FAM133A: variants seen among roughly 807,000 people sequenced by gnomAD.
FAM133A encodes the protein family with sequence similarity 133 member A.
For synonymous variants in FAM133A, 65 were observed against 58.6 expected (o/e 1.11, Z -0.50); for missense variants, 159 against 164.4 (o/e 0.97, Z 0.18).
chrX:93,694,906 C>T (rs1035090318), intron 2 of FAM133A, among the ~76,000 whole-genome samples: 6 of 111,716 alleles, frequency 5.4e-5, no homozygotes, highest in Admixed American at 1.9e-4. Context: ...GGTTATCAAA[C>T]TAAACATTCC....
chrX:93,704,441 C>T (rs1926912900), intron 3 of FAM133A, among the ~76,000 whole-genome samples: 1 of 111,357 alleles, frequency 9.0e-6, no homozygotes. Flanking sequence ...ATAGGAGCCT[C>T]ATCCAAATGT....
intron 3 of FAM133A, among the ~76,000 whole-genome samples, chrX:93,708,117 T>C (rs938554601): frequency 1.8e-5 from 2 of 112,253 alleles, no homozygotes; most frequent in African/African-American, 6.5e-5. Flanking sequence ...ACTGTTTGTG[T>C]CCCATAAAAT....
At chrX:93,702,767 A>G (rs1278636001) in intron 3 of FAM133A, among the ~76,000 whole-genome samples, 2 of 99,319 alleles carry the variant, frequency 2.0e-5, no homozygotes, top group African/African-American at 7.3e-5. Flanking sequence ...CCTTGATATG[A>G]TGTGATGAGA....
At chrX:93,695,818 G>T (rs1012373902) in intron 2 of FAM133A, among the ~76,000 whole-genome samples, 5 of 107,112 alleles carry the variant, frequency 4.7e-5, no homozygotes, top group African/African-American at 1.7e-4. Context: ...ATTTTTTATT[G>T]TATTTTTAGT....
At chrX:93,676,679 T>C (rs1893109350) in intron 2 of FAM133A, among the ~76,000 whole-genome samples, 1 of 109,242 alleles carries the variant, frequency 9.2e-6, no homozygotes, top group Admixed American at 9.8e-5. Context: ...TACAGATTAC[T>C]ACTTAACCAC....
chrX:93,701,589 A>G (rs1055332576), intron 3 of FAM133A, among the ~76,000 whole-genome samples: 1 of 112,007 alleles, frequency 8.9e-6, no homozygotes. Context: ...ATATGTAGTC[A>G]TGTCCCACTA....
intron 3 of FAM133A, among the ~76,000 whole-genome samples, chrX:93,707,877 C>T (rs753315504): frequency 1.1e-4 from 12 of 111,623 alleles, no homozygotes; most frequent in Non-Finnish European, 1.7e-4. Context: ...ATGGGAACAC[C>T]GTGGTGAATA....
intron 2 of FAM133A, among the ~76,000 whole-genome samples, chrX:93,684,937 T>C (rs912801834): frequency 1.8e-5 from 2 of 111,716 alleles, no homozygotes; most frequent in Non-Finnish European, 3.8e-5. Context: ...CTCTGAGGTA[T>C]TATCATATAT....
At chrX:93,687,473 CA>C in intron 2 of FAM133A, among the ~76,000 whole-genome samples, 1 of 110,293 alleles carries the variant, frequency 9.1e-6, no homozygotes, top group East Asian at 2.8e-4. Context: ...ACCTGTGCCC[CA>C]AAAACTATTG....
chrX:93,702,837 T>TAAAAAAAAAAAAAAAAAAAAAA (rs33985910), intron 3 of FAM133A, among the ~76,000 whole-genome samples: 5 of 43,032 alleles, frequency 1.2e-4, no homozygotes, highest in Admixed American at 3.5e-4. Context: ...ATAGCTATGA[T>TAAAAAAAAAAAAAAAAAAAAAA]AAAAAAAAAA....
At chrX:93,684,317 T>C (rs1569346019) in intron 2 of FAM133A, among the ~76,000 whole-genome samples, 1 of 112,083 alleles carries the variant, frequency 8.9e-6, no homozygotes. Context: ...GCTGTAGATA[T>C]GTGGATTAAT....
intron 2 of FAM133A, among the ~76,000 whole-genome samples, chrX:93,687,503 T>A (rs1440662890): frequency 9.0e-6 from 1 of 111,365 alleles, no homozygotes; most frequent in African/African-American, 3.3e-5. Context: ...TTTAAAATAT[T>A]TTAAAAATTT....
chrX:93,687,190 C>A (rs1181368711), intron 2 of FAM133A, among the ~76,000 whole-genome samples: 2 of 112,300 alleles, frequency 1.8e-5, no homozygotes, highest in Non-Finnish European at 1.9e-5. Flanking sequence ...GCCTTTGCTG[C>A]AACTTGGATA....
chrX:93,705,116 G>A lies in FAM133A; in HGVS notation c.-103-4201G>A, dbSNP rs191803487. On this transcript the variant is annotated intron_variant, in intron 3 of 3. Transcript: ENST00000683942. ...TTATATACTCATTTGTTTCATATTT[G>A]TGTAATAACTATTACCTTTACTAAA... 6.2e-3 allele frequency among the ~76,000 whole-genome samples: 688 copies of A among 110,766 alleles called. 2 individuals are homozygous for A. Among genetic ancestry groups the A allele is most frequent in the African/African-American group, 0.022 (667 of 30,512 alleles).
intron 2 of FAM133A, among the ~76,000 whole-genome samples, chrX:93,694,983 T>C (rs1926129621): frequency 8.9e-6 from 1 of 111,769 alleles, no homozygotes; most frequent in Admixed American, 9.5e-5. Flanking sequence ...AAATATCTTA[T>C]GACTTTAGAC....
At chrX:93,696,168 A>C (rs773560124) in intron 2 of FAM133A, among the ~76,000 whole-genome samples, 10 of 111,347 alleles carry the variant, frequency 9.0e-5, no homozygotes, top group Non-Finnish European at 1.7e-4. Context: ...AACTACAACG[A>C]GCGTTGAGGA....
chrX:93,699,880 C>A (rs1175957721), intron 3 of FAM133A, among the ~76,000 whole-genome samples: 2 of 110,762 alleles, frequency 1.8e-5, no homozygotes, highest in East Asian at 5.7e-4. Context: ...CTTAGAGCCT[C>A]CCCCCAGTTT....
chrX:93,688,083 A>G (rs1402993509), intron 2 of FAM133A, among the ~76,000 whole-genome samples: 3 of 110,451 alleles, frequency 2.7e-5, no homozygotes, highest in African/African-American at 9.9e-5. Flanking sequence ...TATCATGGCT[A>G]TTATGAAAAT....
chrX:93,709,225 G>A lies in FAM133A; in HGVS notation c.-103-92G>A, dbSNP rs150149449. The A allele has an allele frequency of 6.3e-4, 308 of 489,225 alleles. 2 individuals carry two copies. In the East Asian group the frequency reaches 0.014, roughly 22 times the overall value. The allele number at this position is 489,225 out of a possible 1,213,427, so 40.3% of individuals were successfully genotyped here. ...AGATTTTGGAAATTTCTACTGTACT[G>A]TGTGATAGGCAGTGTTAACAATTAA... On this transcript the variant is annotated intron_variant, in intron 3 of 3. Coordinates refer to ENST00000683942, the MANE Select transcript of FAM133A (RefSeq NM_001171109.2).
Sources: gnomAD v4.1 joint callset for allele counts (sites outside exome capture counted in the v4.1 genomes callset) on GRCh38, gnomAD v4.1.1 for gene constraint, MANE v1.5 for transcripts, NCBI Gene and HGNC (gene_info 2026-07-23, HGNC 2026-07-21) for gene names.